Variants in PARD3 observed in about 807,000 individuals in gnomAD.
PARD3 encodes the protein partitioning defective 3 homolog.
PARD3 carries 75 observed loss-of-function variants against 155.4 expected under a neutral mutation model. The ratio of observed to expected loss-of-function variants is 0.48; its 90% CI spans 0.40 to 0.58. The LOEUF is 0.58. Among genes scored for constraint, PARD3 ranks in the 20% least tolerant of loss-of-function variants. The pLI, the probability that PARD3 is intolerant of heterozygous loss-of-function variation, is 0.00. For synonymous variants in PARD3, 576 were observed against 610.5 expected, an observed-to-expected ratio of 0.94 and a Z score of 0.83; for missense variants, 1,642 against 1,721.7, an observed-to-expected ratio of 0.95 and a Z score of 0.82.
chr10:34,473,997 G>A (rs936464076), intron 3 of PARD3, among the ~76,000 whole-genome samples: 2 of 152,140 alleles, frequency 1.3e-5, no homozygotes, highest in African/African-American at 4.8e-5. Context: ...CAAACACAAG[G>A]ACCTTTATGG....
At chr10:34,807,759 C>A (rs1397123706) in intron 1 of PARD3, among the ~76,000 whole-genome samples, 1 of 151,794 alleles carries the variant, frequency 6.6e-6, no homozygotes, top group African/African-American at 2.4e-5. Flanking sequence ...AAAATATACT[C>A]TGTTTAGGTG....
intron 22 of PARD3, among the ~76,000 whole-genome samples, chr10:34,154,715 T>C (rs1948925426): frequency 6.6e-6 from 1 of 152,160 alleles, no homozygotes; most frequent in African/African-American, 2.4e-5. Context: ...AGAGATTTAT[T>C]TCTTTGCATC....
chr10:34,461,121 A>G (rs908196571), intron 4 of PARD3, among the ~76,000 whole-genome samples: 5 of 152,220 alleles, frequency 3.3e-5, no homozygotes, highest in Admixed American at 6.5e-5. Context: ...TAACAGGAGC[A>G]GGAATATATG....
chr10:34,219,091 ATTAG>A (rs769510486), intron 22 of PARD3, among the ~76,000 whole-genome samples: 7 of 152,238 alleles, frequency 4.6e-5, no homozygotes, highest in Non-Finnish European at 8.8e-5. Context: ...TATAGGAATT[ATTAG>A]TTCACTTTTT....
intron 2 of PARD3, among the ~76,000 whole-genome samples, chr10:34,619,159 T>C (rs982415106): frequency 6.6e-6 from 1 of 151,890 alleles, no homozygotes; most frequent in African/African-American, 2.4e-5. Flanking sequence ...CAAGCAATTC[T>C]TGTGCCTCAC....
chr10:34,382,503 A>C, intron 9 of PARD3, 37 bp downstream of exon 9: 2 of 1,584,350 alleles, frequency 1.3e-6, no homozygotes, highest in Non-Finnish European at 1.7e-6. Context: ...CTGCTAAGAA[A>C]AGAAATTCCA....
intron 22 of PARD3, among the ~76,000 whole-genome samples, chr10:34,266,135 A>T (rs1037837883): frequency 6.6e-6 from 1 of 152,190 alleles, no homozygotes; most frequent in South Asian, 2.1e-4. Context: ...CAACAGAAGG[A>T]GTTTAGTCCT....
chr10:34,146,384 C>T (rs1588926018), intron 22 of PARD3, among the ~76,000 whole-genome samples: 2 of 152,164 alleles, frequency 1.3e-5, no homozygotes, highest in African/African-American at 4.8e-5. Flanking sequence ...CTTCCTAACA[C>T]ACTTTAGGAA....
intron 2 of PARD3, among the ~76,000 whole-genome samples, chr10:34,561,293 T>C (rs996397717): frequency 6.6e-6 from 1 of 152,150 alleles, no homozygotes; most frequent in Non-Finnish European, 1.5e-5. Flanking sequence ...TCATGACAAT[T>C]GTAAAGGTGA....
intron 22 of PARD3, among the ~76,000 whole-genome samples, chr10:34,186,948 C>T (rs890598661): frequency 2.0e-5 from 3 of 152,204 alleles, no homozygotes; most frequent in Admixed American, 2.0e-4. Flanking sequence ...ACTGAATTCG[C>T]TCCTCAAAAA....
chr10:34,469,989 T>C, intron 4 of PARD3, 96 bp downstream of exon 4: 1 of 983,784 alleles, frequency 1.0e-6, no homozygotes. Flanking sequence ...GAAGATGCCC[T>C]GGAATCCAAT....
At chr10:34,655,875 AC>A (rs1338891273) in intron 2 of PARD3, among the ~76,000 whole-genome samples, 1 of 152,214 alleles carries the variant, frequency 6.6e-6, no homozygotes, top group African/African-American at 2.4e-5. Flanking sequence ...TCTAAGAGTA[AC>A]AACAGATGCC....
intron 1 of PARD3, among the ~76,000 whole-genome samples, chr10:34,759,764 T>C (rs191207785): frequency 1.5e-4 from 23 of 152,340 alleles, no homozygotes; most frequent in Admixed American, 5.2e-4. Flanking sequence ...AAGAGGATTC[T>C]TGAATAAAGG....
chr10:34,296,894 A>C (rs1956936768), intron 20 of PARD3, among the ~76,000 whole-genome samples: 1 of 152,208 alleles, frequency 6.6e-6, no homozygotes, highest in Non-Finnish European at 1.5e-5. Flanking sequence ...AGGTCAAATG[A>C]GTTTGAGAAC....
chr10:34,277,063 C>T (rs1955920756), intron 21 of PARD3, among the ~76,000 whole-genome samples: 1 of 152,018 alleles, frequency 6.6e-6, no homozygotes, highest in Non-Finnish European at 1.5e-5. Context: ...AACATTTTAC[C>T]CCCAACTTAC....
rs147279880 is a variant in PARD3, at chr10:34,528,320, T to C, written c.223-11161A>G. Among the ~76,000 whole-genome samples the C allele has an allele frequency of 3.3e-4, 50 of 152,304 alleles. No individual in the cohort carries two copies. In the East Asian group the frequency reaches 9.3e-3, roughly 28 times the overall value. On this transcript the variant is annotated intron_variant, in intron 2 of 24. Transcript: ENST00000374788. ...AAGCCAAACCCTCTACTTGCCTTCA[T>C]TTGCTTCCCAAGACAACGTCCACAC...
At chr10:34,165,512 C>T (rs58866746) in intron 22 of PARD3, among the ~76,000 whole-genome samples, 10,879 of 152,178 alleles carry the variant, frequency 0.071, 1,008 homozygotes, top group East Asian at 0.3. Flanking sequence ...GTCCTCGTGC[C>T]CCAAGAGGAA....
At chr10:34,158,077 C>T (rs1294006291) in intron 22 of PARD3, among the ~76,000 whole-genome samples, 5 of 152,182 alleles carry the variant, frequency 3.3e-5, no homozygotes, top group African/African-American at 1.2e-4. Context: ...TGTCAGCCTA[C>T]TCAGACAATT....
chr10:34,393,028 G>C (rs1047476200), intron 7 of PARD3, among the ~76,000 whole-genome samples: 1 of 151,644 alleles, frequency 6.6e-6, no homozygotes, highest in East Asian at 1.9e-4. Context: ...ATGCTACAAT[G>C]GCAGATTTTC....
Sources: gnomAD v4.1 joint callset for allele counts (sites outside exome capture counted in the v4.1 genomes callset) on GRCh38, gnomAD v4.1.1 for gene constraint, MANE v1.5 for transcripts, NCBI Gene and HGNC (gene_info 2026-07-23, HGNC 2026-07-21) for gene names.